The following MARCO variants were observed in gnomAD, a reference collection of about 807,000 sequenced individuals.
MARCO encodes the protein macrophage receptor with collagenous structure, also known as macrophage receptor MARCO.
MARCO carries 72 observed loss-of-function variants against 70.0 expected under a neutral mutation model. The ratio of observed to expected loss-of-function variants is 1.03; its 90% confidence interval spans 0.85 to 1.25. The LOEUF is 1.25. Among genes scored for constraint, MARCO ranks in the 50% most tolerant of loss-of-function variants. MARCO has a pLI of 0.00. For missense variants in MARCO, 696 were observed against 659.3 expected (o/e 1.06, Z -0.61); for synonymous variants, 273 against 243.1 (o/e 1.12, Z -1.14).
intron 1 of MARCO, among the ~76,000 whole-genome samples, chr2:118,966,974 G>A (rs1233815413): frequency 6.6e-6 from 1 of 152,168 alleles, no homozygotes; most frequent in East Asian, 1.9e-4. Context: ...CTCTGCACAT[G>A]TTCAGCACCC....
chr2:118,993,472 T>C (rs1680662930), intron 16 of MARCO, among the ~76,000 whole-genome samples, 172 bp downstream of exon 16: 1 of 152,180 alleles, frequency 6.6e-6, no homozygotes, highest in African/African-American at 2.4e-5. Flanking sequence ...CCTTCCAGCT[T>C]GGCAACCCCA....
chr2:118,973,385 G>GTCTC (rs145508451), intron 4 of MARCO, among the ~76,000 whole-genome samples: 19 of 148,542 alleles, frequency 1.3e-4, no homozygotes, highest in South Asian at 2.1e-4. Flanking sequence ...TCTGACTTCT[G>GTCTC]TCTCTCTCTC....
chr2:118,966,665 C>T (rs185828548), intron 1 of MARCO, among the ~76,000 whole-genome samples: 6 of 152,322 alleles, frequency 3.9e-5, no homozygotes, highest in East Asian at 1.9e-4. Context: ...CCTTCCACCA[C>T]GCTCTGACCA....
At chr2:118,993,932 G>A (rs1354894194) in intron 16 of MARCO, among the ~76,000 whole-genome samples, 1 of 152,168 alleles carries the variant, frequency 6.6e-6, no homozygotes, top group East Asian at 1.9e-4. Context: ...CAGGACATGA[G>A]GCCAGTTTCC....
Position 118,994,381 on chromosome 2 carries a change from A to C in MARCO, c.1430-6A>C. The C allele has an allele frequency of 3.1e-6, 5 of 1,613,902 alleles. No individual in the cohort carries two copies. Among genetic ancestry groups the C allele is most frequent in the Non-Finnish European group, 4.2e-6 (5 of 1,179,950 alleles). On this transcript the variant is annotated splice_region_variant and splice_polypyrimidine_tract_variant and intron_variant, in intron 16 of 16. Coordinates refer to ENST00000327097, the MANE Select transcript of MARCO (RefSeq NM_006770.4). ...TTCCTCTGTCTCTTGCTTTCTCTCT[A>C]TCAAGGCACTGGGCAGATCTGGCTG...
chr2:118,970,568 C>A (rs1680146765), intron 3 of MARCO, among the ~76,000 whole-genome samples: 1 of 152,120 alleles, frequency 6.6e-6, no homozygotes, highest in Non-Finnish European at 1.5e-5. Flanking sequence ...CTGGACCACT[C>A]CCCCACAGCT....
Position 118,977,410 on chromosome 2 carries a change from T to C in MARCO, c.614-61T>C. ...TAAGGGAATCTAGAATGTCAGCTGA[T>C]TAAAGACATTTTAGACATTCTCAGG... On this transcript the variant is annotated intron_variant, in intron 6 of 16. Transcript: ENST00000327097. The C allele has an allele frequency of 2.2e-6, 3 of 1,335,604 alleles. 1 individual carries two copies. Among genetic ancestry groups the C allele is most frequent in the Admixed American group, 1.7e-5 (1 of 59,512 alleles). The allele number at this position is 1,335,604 out of a possible 1,614,324, so 82.7% of individuals were successfully genotyped here. A position where few individuals can be genotyped will look rare whatever the true frequency, so the allele number is the denominator to read the frequency against.
At chr2:118,963,322 T>G (rs1289113099) in intron 1 of MARCO, among the ~76,000 whole-genome samples, 1 of 151,944 alleles carries the variant, frequency 6.6e-6, no homozygotes, top group Non-Finnish European at 1.5e-5. Context: ...TTTTAAAATT[T>G]TTTTGATGCT....
chr2:118,948,660 CTTTTTAGTT>C, intron 1 of MARCO, among the ~76,000 whole-genome samples: 1 of 152,280 alleles, frequency 6.6e-6, no homozygotes, highest in South Asian at 2.1e-4. Context: ...TCCTCTTTTA[CTTTTTAGTT>C]TTCCTCTTCA....
intron 1 of MARCO, chr2:118,945,038 T>G (rs1679569568): frequency 2.6e-5 from 4 of 152,166 alleles, no homozygotes; most frequent in Admixed American, 2.6e-4. Flanking sequence ...TATCCATGGA[T>G]GAATAACCAC....
intron 12 of MARCO, among the ~76,000 whole-genome samples, chr2:118,983,522 A>G (rs1680432743): frequency 1.3e-5 from 2 of 152,092 alleles, no homozygotes; most frequent in Admixed American, 1.3e-4. Context: ...TTTTTTATGG[A>G]CAGTGTGTTT....
chr2:118,977,735 C>G, intron 7 of MARCO, 93 bp from the exon 8 acceptor site: 1 of 998,328 alleles, frequency 1.0e-6, no homozygotes, highest in Non-Finnish European at 1.5e-6. Flanking sequence ...ATCCCATTCC[C>G]TTCTCTCCCA....
intron 1 of MARCO, among the ~76,000 whole-genome samples, chr2:118,954,163 G>A (rs1458865754): frequency 2.0e-5 from 3 of 152,232 alleles, no homozygotes; most frequent in Admixed American, 2.0e-4. Context: ...GGCAGAGAAA[G>A]CCTCAGGCAA....
chr2:118,961,750 T>C (rs978449157), intron 1 of MARCO, among the ~76,000 whole-genome samples: 9 of 152,228 alleles, frequency 5.9e-5, no homozygotes, highest in African/African-American at 2.2e-4. Context: ...ATTTTTGCTT[T>C]TGTTGCAGTT....
intron 8 of MARCO, among the ~76,000 whole-genome samples, chr2:118,978,995 T>A (rs1016880470): frequency 3.9e-5 from 6 of 152,162 alleles, no homozygotes; most frequent in Admixed American, 1.3e-4. Flanking sequence ...AGCCTCAATT[T>A]ACTCTCCTAG....
intron 3 of MARCO, 82 bp downstream of exon 3, chr2:118,970,420 C>G (rs927822468): frequency 1.8e-6 from 2 of 1,120,098 alleles, no homozygotes; most frequent in Non-Finnish European, 2.6e-6. Context: ...AAATTAAGGA[C>G]CCTGTCCAAG....
At chr2:118,948,300 T>C (rs1178283497) in intron 1 of MARCO, among the ~76,000 whole-genome samples, 2 of 152,250 alleles carry the variant, frequency 1.3e-5, no homozygotes, top group Non-Finnish European at 2.9e-5. Flanking sequence ...GTGTCCTGCA[T>C]CTATTGGCTG....
intron 12 of MARCO, among the ~76,000 whole-genome samples, chr2:118,987,003 C>T (rs1276985070): frequency 6.6e-6 from 1 of 152,124 alleles, no homozygotes; most frequent in African/African-American, 2.4e-5. Flanking sequence ...TTTCACAGCA[C>T]TCTGGGTTTG....
intron 10 of MARCO, 60 bp downstream of exon 10, chr2:118,981,716 C>T: frequency 6.6e-7 from 1 of 1,506,596 alleles, no homozygotes; most frequent in South Asian, 1.2e-5. Flanking sequence ...CAGAGTGAAG[C>T]TGGGGACCAG....
Sources: allele counts gnomAD v4.1 joint callset (sites outside exome capture counted in the v4.1 genomes callset), GRCh38; gene constraint gnomAD v4.1.1; transcripts MANE v1.5; gene names NCBI Gene and HGNC (gene_info 2026-07-23, HGNC 2026-07-21).